The following PIWIL2 variants were observed in gnomAD, a reference collection of about 807,000 sequenced individuals.
PIWIL2 encodes the protein piwi-like protein 2.
In PIWIL2, 81 loss-of-function variants were observed where a neutral mutation model predicts 116.5. That is an observed-to-expected ratio of 0.70 (90% CI 0.58 to 0.84). The LOEUF is 0.84. PIWIL2 is among the 40% of genes least tolerant of loss of function. The pLI is 0.00. For missense variants in PIWIL2, 1,272 were observed against 1,212.3 expected (o/e 1.05, Z -0.73); for synonymous variants, 489 against 429.5 (o/e 1.14, Z -1.71).
rs1184552166 is a variant in PIWIL2 at position 22,281,136 on chromosome 8, T to C, written c.215T>C (p.Val72Ala). The C allele has an allele frequency of 6.2e-7, 1 of 1,611,092 alleles. No individual in the cohort carries two copies. Among genetic ancestry groups the C allele is most frequent in the East Asian group, 2.2e-5 (1 of 44,832 alleles). The change falls in exon 3 of 23, where the codon GTC (valine) becomes GCC (alanine). Residue 72 changes from valine (V) to alanine (A), a missense_variant. By Grantham distance (64) the Val-to-Ala change is moderately conservative. Transcript: ENST00000356766. Reference sequence around the variant, plus strand: ...TTTCCACAGGAGTCTGTGGGTTTGGTCTCCATGTTCCGAGGCCTGGGCATT... The same window carrying C: ...TTTCCACAGGAGTCTGTGGGTTTGGCCTCCATGTTCCGAGGCCTGGGCATT... ...GPAQRESVGL[V>A]SMFRGLGIET... is the part of the protein sequence containing the mutation.
intron 4 of PIWIL2, among the ~76,000 whole-genome samples, chr8:22,282,671 G>A (rs1830537956): frequency 6.6e-6 from 1 of 151,748 alleles, no homozygotes; most frequent in Non-Finnish European, 1.5e-5. Context: ...GCTCACTGCA[G>A]CCTCGACCTC....
rs1271765258 is a variant in PIWIL2, at chr8:22,312,095, CT to C, written c.1989+796del. Among the ~76,000 whole-genome samples the C allele has an allele frequency of 2.0e-5, 3 of 151,938 alleles. No homozygotes were observed. The East Asian group carries it at 5.8e-4, about 30-fold the overall frequency. On this transcript the variant is annotated intron_variant, in intron 16 of 22. Transcript: ENST00000356766. ...CCTGGGCAACCTGGCAAAACCCTGT[CT>C]CTACAAAAAATCTAAACATTAGCTG...
intron 8 of PIWIL2, 149 bp from the exon 9 acceptor site, chr8:22,289,698 A>G: frequency 1.8e-6 from 1 of 565,498 alleles, no homozygotes; most frequent in Non-Finnish European, 3.1e-6. Context: ...TTCTTTTAAC[A>G]AGATTGTTCT....
At chr8:22,334,814 TG>T (rs1831942749) in intron 20 of PIWIL2, among the ~76,000 whole-genome samples, 1 of 152,038 alleles carries the variant, frequency 6.6e-6, no homozygotes, top group South Asian at 2.1e-4. Flanking sequence ...CCCAGCACTT[TG>T]GGAGGCCAAG....
chr8:22,336,298 A>C (rs1831980664), intron 20 of PIWIL2, among the ~76,000 whole-genome samples: 1 of 152,194 alleles, frequency 6.6e-6, no homozygotes, highest in Non-Finnish European at 1.5e-5. Context: ...CTCAACCCAC[A>C]ATAGAATGAA....
intron 20 of PIWIL2, 48 bp downstream of exon 20, chr8:22,318,323 A>ATTT: frequency 5.6e-6 from 5 of 890,798 alleles, no homozygotes; most frequent in East Asian, 3.0e-5. Flanking sequence ...TTGTTTTTTT[A>ATTT]TTTTTTTTTT....
intron 20 of PIWIL2, among the ~76,000 whole-genome samples, chr8:22,326,423 G>T (rs1246831615): frequency 6.6e-6 from 1 of 152,134 alleles, no homozygotes; most frequent in African/African-American, 2.4e-5. Flanking sequence ...TTGGGGGGCT[G>T]AGGTAAGAGG....
At chr8:22,353,764 CT>C (rs760913894) in intron 21 of PIWIL2, among the ~76,000 whole-genome samples, 2,693 of 67,916 alleles carry the variant, frequency 0.04, 12 homozygotes, top group Non-Finnish European at 0.057. Context: ...GTTTCTACCA[CT>C]TTTTTTTTTT....
chr8:22,313,452 CAT>C (rs888320787), intron 16 of PIWIL2, among the ~76,000 whole-genome samples: 2 of 152,174 alleles, frequency 1.3e-5, no homozygotes, highest in African/African-American at 2.4e-5. Context: ...TTTAAACAAA[CAT>C]AAACACTTTT....
At chr8:22,276,413 T>G (rs1830371669) in intron 1 of PIWIL2, among the ~76,000 whole-genome samples, 1 of 152,170 alleles carries the variant, frequency 6.6e-6, no homozygotes, top group South Asian at 2.1e-4. Context: ...CCTCCCAGGT[T>G]CAAGCGATTC....
intron 20 of PIWIL2, among the ~76,000 whole-genome samples, chr8:22,350,706 T>C (rs894891694): frequency 3.9e-5 from 6 of 152,116 alleles, no homozygotes; most frequent in Non-Finnish European, 7.4e-5. Context: ...GGGTCATTAA[T>C]ATTTGAAATT....
intron 20 of PIWIL2, among the ~76,000 whole-genome samples, chr8:22,334,315 T>C (rs1831929546): frequency 6.6e-6 from 1 of 151,454 alleles, no homozygotes; most frequent in South Asian, 2.1e-4. Context: ...TATACAAAAT[T>C]TGGGGCCAGG....
Position 22,290,234 on chromosome 8 carries a change from T to TC in PIWIL2, c.1069_1070insC (p.Leu357SerfsTer10). The TC allele has an allele frequency of 6.3e-7, 1 of 1,589,230 alleles. No individual in the cohort carries two copies. The highest frequency in any genetic ancestry group is 8.6e-7 in the Non-Finnish European group (1 of 1,158,248). On this transcript the variant is annotated frameshift_variant and splice_region_variant, in exon 10 of 23. Transcript: ENST00000356766. LOFTEE classifies it high-confidence loss of function. ...AGTTGAGACCACCTCTCTCTCCAGA[T>TC]TGCAGATCTGGCCAGGCTATGCAGC...
At chr8:22,285,617 T>A (rs931198074) in intron 6 of PIWIL2, among the ~76,000 whole-genome samples, 3 of 152,072 alleles carry the variant, frequency 2.0e-5, no homozygotes, top group Non-Finnish European at 2.9e-5. Context: ...CTATTTTTAG[T>A]TTTTTTAAGA....
chr8:22,325,594 C>T lies in PIWIL2; in HGVS notation c.2403+7319C>T, dbSNP rs573625238. ...CACCTCCCAGGTTCAAGTGATTCTC[C>T]TGTCTCAGCCTGCCAAGTAGCTGGG... is the stretch of plus-strand genomic sequence containing the variant. On this transcript the variant is annotated intron_variant, in intron 20 of 22. Transcript: ENST00000356766. Among the ~76,000 whole-genome samples, 6 of 148,140 alleles carry T rather than the reference C, an allele frequency of 4.1e-5. No individual in the cohort carries two copies. In the South Asian group the frequency reaches 1.3e-3, roughly 32 times the overall value.
intron 20 of PIWIL2, among the ~76,000 whole-genome samples, chr8:22,343,426 A>C (rs1832154292): frequency 6.7e-6 from 1 of 149,184 alleles, no homozygotes; most frequent in Admixed American, 6.7e-5. Flanking sequence ...CAAGAGCGAA[A>C]CTCCATCTCA....
intron 21 of PIWIL2, 90 bp from the exon 22 acceptor site, chr8:22,354,181 G>C: frequency 1.2e-6 from 1 of 843,176 alleles, no homozygotes; most frequent in East Asian, 2.4e-5. Flanking sequence ...CTGAGCTTTA[G>C]TTGAAGGAGC....
Position 22,311,169 on chromosome 8 carries a change from G to A in PIWIL2, c.1858G>A (p.Glu620Lys). The A allele has an allele frequency of 6.2e-7, 1 of 1,614,132 alleles. No homozygotes were observed. Among genetic ancestry groups the A allele is most frequent in the Non-Finnish European group, 8.5e-7 (1 of 1,179,998 alleles). ...AAAGAGAGCAATGGACCAGGCTCGA[G>A]AACTGGTCAACATGTTGGAGAAGAT... ...YPKRAMDQAR[E>K]LVNMLEKIAG... The change falls in exon 16 of 23, where the codon GAA becomes AAA. Residue 620 changes from glutamate to lysine, a missense_variant. Physicochemically the swap from Glu to Lys is moderately conservative, Grantham distance 56 (BLOSUM62 1). Transcript: ENST00000356766.
At chr8:22,280,562 CAAAT>C (rs1830476484) in intron 2 of PIWIL2, among the ~76,000 whole-genome samples, 1 of 152,126 alleles carries the variant, frequency 6.6e-6, no homozygotes, top group Non-Finnish European at 1.5e-5. Context: ...CATGTTGACT[CAAAT>C]GAATTGCTTG....
Sources: allele counts gnomAD v4.1 joint callset (sites outside exome capture counted in the v4.1 genomes callset), GRCh38; gene constraint gnomAD v4.1.1; transcripts MANE v1.5; gene names NCBI Gene and HGNC (gene_info 2026-07-23, HGNC 2026-07-21).